The following UGCG variants were observed in gnomAD, a reference collection of about 807,000 sequenced individuals.
UGCG encodes ceramide glucosyltransferase.
A neutral mutation model predicts 49.5 loss-of-function variants in UGCG; 10 were observed. The ratio of observed to expected loss-of-function variants is 0.20; its 90% CI spans 0.12 to 0.34. UGCG has a LOEUF of 0.34. UGCG is among the 10% of genes least tolerant of loss of function. The probability of loss-of-function intolerance (pLI) is 1.00; values close to 1 mark genes in which losing one functional copy is unlikely to be tolerated. For missense variants in UGCG, 312 were observed against 483.7 expected (o/e 0.65, Z 3.33); for synonymous variants, 182 against 158.2 (o/e 1.15, Z -1.13).
chr9:111,897,043 G>T lies in UGCG; in HGVS notation c.-173G>T. 1 of 372,668 alleles carries T rather than the reference G, an allele frequency of 2.7e-6. No homozygotes were observed. The highest frequency in any genetic ancestry group is 4.7e-6 in the Non-Finnish European group (1 of 212,656). 23.1% of individuals were successfully genotyped at this position (372,668 alleles called of 1,614,324 possible). A position where few individuals can be genotyped will look rare whatever the true frequency, so the allele number is the denominator to read the frequency against. On this transcript the variant is annotated 5_prime_UTR_variant, in exon 1 of 9. Transcript: ENST00000374279. ...CGCAGGCGAGAGCGCGCGGGCGGGG[G>T]CGCGCAGGCCCTGCCCGCCCCTTCC...
At chr9:111,926,050 T>C (rs1838307101) in intron 4 of UGCG, among the ~76,000 whole-genome samples, 1 of 152,222 alleles carries the variant, frequency 6.6e-6, no homozygotes, top group Non-Finnish European at 1.5e-5. Context: ...CCTCTGCTCC[T>C]GAGCCTTTTC....
In UGCG at chr9:111,897,068, C is replaced by T; in HGVS notation, c.-148C>T. The T allele has an allele frequency of 4.2e-6, 2 of 478,544 alleles. No individual in the cohort carries two copies. The highest frequency in any genetic ancestry group is 5.6e-5 in the South Asian group (2 of 35,778). 29.6% of individuals were successfully genotyped at this position (478,544 alleles called of 1,614,324 possible). ...GCGCGCAGGCCCTGCCCGCCCCTTC[C>T]GTCCCCACCCCCCTCCGCCCTTTCC... is the stretch of plus-strand genomic sequence containing the variant. On this transcript the variant is annotated 5_prime_UTR_variant, in exon 1 of 9. Coordinates refer to ENST00000374279, the MANE Select transcript of UGCG (RefSeq NM_003358.3).
intron 1 of UGCG, among the ~76,000 whole-genome samples, chr9:111,897,805 T>A (rs972575430): frequency 4.6e-5 from 7 of 151,870 alleles, no homozygotes; most frequent in Non-Finnish European, 1.0e-4. Flanking sequence ...GTGAAGCACC[T>A]GTCCACCCTG....
At chr9:111,899,290 T>G (rs1707127729) in intron 1 of UGCG, among the ~76,000 whole-genome samples, 1 of 152,252 alleles carries the variant, frequency 6.6e-6, no homozygotes, top group Admixed American at 6.5e-5. Flanking sequence ...GTTATGTATA[T>G]TCACAGTCCT....
At chr9:111,905,551 G>A (rs572268716) in intron 1 of UGCG, among the ~76,000 whole-genome samples, 1 of 152,010 alleles carries the variant, frequency 6.6e-6, no homozygotes, top group Non-Finnish European at 1.5e-5. Flanking sequence ...TGCTTCCCAG[G>A]TTCAAGCAGT....
chr9:111,922,520 CAG>C (rs1564203475), intron 2 of UGCG, among the ~76,000 whole-genome samples: 2 of 152,140 alleles, frequency 1.3e-5, no homozygotes, highest in Non-Finnish European at 2.9e-5. Context: ...AGTAAATCTT[CAG>C]TAGTGATGGC....
intron 1 of UGCG, among the ~76,000 whole-genome samples, chr9:111,901,645 C>T (rs1259860619): frequency 1.3e-5 from 2 of 152,078 alleles, no homozygotes; most frequent in Non-Finnish European, 2.9e-5. Context: ...TGTTTACCTA[C>T]GTAACAAACC....
intron 1 of UGCG, among the ~76,000 whole-genome samples, chr9:111,898,938 C>A (rs917668503): frequency 9.2e-5 from 14 of 152,170 alleles, no homozygotes; most frequent in Admixed American, 7.9e-4. Context: ...AGGCACTGTT[C>A]TAGTTGCTGG....
chr9:111,901,105 T>C (rs148125759), intron 1 of UGCG, among the ~76,000 whole-genome samples: 1,615 of 152,312 alleles, frequency 0.011, 19 homozygotes, highest in South Asian at 0.026. Context: ...CGTGAGCCAC[T>C]GCGCCCAACC....
chr9:111,928,782 A>G (rs1838369917), intron 5 of UGCG, among the ~76,000 whole-genome samples: 1 of 152,242 alleles, frequency 6.6e-6, no homozygotes, highest in African/African-American at 2.4e-5. Context: ...TGAGGTGTAA[A>G]TAATAAATAG....
chr9:111,916,567 T>G (rs7049002), intron 2 of UGCG, among the ~76,000 whole-genome samples: 117,613 of 151,900 alleles, frequency 0.77, 46,556 homozygotes, highest in African/African-American at 0.94. Flanking sequence ...CCTCCCAGGC[T>G]CAACCAGTCC....
intron 5 of UGCG, among the ~76,000 whole-genome samples, chr9:111,927,460 GTT>G (rs902765682): frequency 6.8e-6 from 1 of 146,210 alleles, no homozygotes; most frequent in African/African-American, 2.5e-5. Context: ...TTTTTGTTTT[GTT>G]TTTTTTTTAG....
chr9:111,931,432 A>G (rs955585098), intron 7 of UGCG, 75 bp downstream of exon 7: 10 of 1,343,856 alleles, frequency 7.4e-6, no homozygotes, highest in African/African-American at 7.3e-5. Flanking sequence ...TACAGGTTTA[A>G]TGTAGTTAAA....
chr9:111,930,059 C>G (rs1159854821), intron 6 of UGCG, among the ~76,000 whole-genome samples: 2 of 152,156 alleles, frequency 1.3e-5, no homozygotes, highest in East Asian at 3.9e-4. Flanking sequence ...CTCAAGTGAT[C>G]TGCCCACCTC....
chr9:111,927,300 CT>C (rs1838332943), intron 5 of UGCG, among the ~76,000 whole-genome samples: 2 of 152,064 alleles, frequency 1.3e-5, no homozygotes, highest in African/African-American at 2.4e-5. Context: ...ACCTGAGAAA[CT>C]TATGTTTTCA....
chr9:111,911,191 C>A lies in UGCG; in HGVS notation c.99-3414C>A, dbSNP rs535375104. On this transcript the variant is annotated intron_variant, in intron 1 of 8. Transcript: ENST00000374279. Reference sequence around the variant, plus strand: ...AAGGCTCTCAGAACAGTTGTCCTGTCATTCTTATCTCAGGCTTCTCTCCAT... The same window carrying A: ...AAGGCTCTCAGAACAGTTGTCCTGTAATTCTTATCTCAGGCTTCTCTCCAT... Among the ~76,000 whole-genome samples, 15 of 152,268 alleles carry A rather than the reference C, an allele frequency of 9.9e-5. No homozygotes were observed. The South Asian group carries it at 1.5e-3, about 15-fold the overall frequency.
rs192919639 is a variant in UGCG at position 111,920,284 on chromosome 9, T to C, written c.241-2565T>C. 2.6e-5 allele frequency among the ~76,000 whole-genome samples: 4 copies of C among 152,322 alleles called. No individual in the cohort carries two copies. The East Asian group carries it at 7.7e-4, about 29-fold the overall frequency. ...AATTATTAAGAAAACATGTTTTTCA[T>C]TTGACAAAAAATCTTATTAGCTAAC... On this transcript the variant is annotated intron_variant, in intron 2 of 8. Transcript: ENST00000374279.
At chr9:111,927,328 A>G (rs1196363747) in intron 5 of UGCG, among the ~76,000 whole-genome samples, 1 of 152,124 alleles carries the variant, frequency 6.6e-6, no homozygotes, top group Non-Finnish European at 1.5e-5. Context: ...TTTTTCTCCA[A>G]CTTAGAAATA....
intron 2 of UGCG, among the ~76,000 whole-genome samples, chr9:111,920,423 G>T (rs575204098): frequency 6.6e-6 from 1 of 151,996 alleles, no homozygotes; most frequent in South Asian, 2.1e-4. Context: ...GTACAGTGGC[G>T]CAATCTCGGC....
Sources: gnomAD v4.1 joint callset for allele counts (sites outside exome capture counted in the v4.1 genomes callset) on GRCh38, gnomAD v4.1.1 for gene constraint, MANE v1.5 for transcripts, NCBI Gene and HGNC (gene_info 2026-07-23, HGNC 2026-07-21) for gene names.